Variants in PNPLA1 observed in about 807,000 individuals in gnomAD.
PNPLA1 encodes the protein omega-hydroxyceramide transacylase.
PNPLA1 carries 36 observed loss-of-function variants against 51.7 expected under a neutral mutation model. The ratio of observed to expected loss-of-function variants is 0.70; its 90% CI spans 0.53 to 0.92. PNPLA1 has a LOEUF of 0.92. Among genes scored for constraint, PNPLA1 ranks in the 40% least tolerant of loss-of-function variants. The pLI, the probability that PNPLA1 is intolerant of heterozygous loss-of-function variation, is 0.00. For missense variants in PNPLA1, 658 were observed against 682.5 expected (o/e 0.96, Z 0.40); for synonymous variants, 293 against 280.1 (o/e 1.05, Z -0.46).
rs1770798825 is a variant in PNPLA1, at chr6:36,294,495, T to C, written c.714+96T>C. 8.7e-7 allele frequency: 1 copy of C among 1,151,500 alleles called. No homozygotes were observed. Among genetic ancestry groups the C allele is most frequent in the African/African-American group, 1.5e-5 (1 of 65,594 alleles). 71.3% of individuals were successfully genotyped at this position (1,151,500 alleles called of 1,614,324 possible). ...GGGGCCCACTCAAGTTCCATCTGAG[T>C]CTCCTCCCCTCAAATGGTCCTTTAA... On this transcript the variant is annotated intron_variant, in intron 4 of 8. Transcript: ENST00000636260. This position sits in a 1 kb window ranked among gnomAD's most constrained non-coding sequence, Gnocchi z 4.2.
Position 36,291,514 on chromosome 6 carries a change from G to A in PNPLA1, c.400G>A (p.Val134Met). The A allele has an allele frequency of 6.9e-7, 1 of 1,452,182 alleles. No individual in the cohort carries two copies. The highest frequency in any genetic ancestry group is 9.3e-7 in the Non-Finnish European group (1 of 1,078,434). 90.0% of individuals were successfully genotyped at this position (1,452,182 alleles called of 1,614,324 possible). Reference protein sequence around the residue: ...LTRLTDGENVVVSEFTSKEEL... With the variant: ...LTRLTDGENVMVSEFTSKEEL... ...CCGCTTAACGGACGGGGAGAATGTG[G>A]TGGTTTCAGAGTTCACGTCCAAGGA... is the stretch of plus-strand genomic sequence containing the variant. The change falls in exon 2 of 9, where the codon GTG becomes ATG. Residue 134 changes from valine (V) to methionine (M), a missense_variant. Coordinates refer to ENST00000636260, the MANE Select transcript of PNPLA1 (RefSeq NM_001374623.1).
rs1770985926 is a variant in PNPLA1 at position 36,300,161 on chromosome 6, T to TGTGTGTGTGTGTGTGTGTG, written c.776-1700_776-1699insGTGTGTGTGTGTGTGTGTG. Among the ~76,000 whole-genome samples, 15 of 103,012 alleles carry TGTGTGTGTGTGTGTGTGTG rather than the reference T, an allele frequency of 1.5e-4. No individual in the cohort carries two copies. In the Admixed American group the frequency reaches 1.6e-3, roughly 11 times the overall value. The allele number at this position is 103,012 out of a possible 152,430, so 67.6% of individuals were successfully genotyped here. A position where few individuals can be genotyped will look rare whatever the true frequency, so the allele number is the denominator to read the frequency against. ...ACAGTTTCTCAGACTTTTCTTATTC[T>TGTGTGTGTGTGTGTGTGTG]TGTGTGTGTGTGTGTGTGAGAGAGA... On this transcript the variant is annotated intron_variant, in intron 5 of 8. Transcript: ENST00000636260.
chr6:36,279,033 T>C (rs1484885143), intron 1 of PNPLA1, among the ~76,000 whole-genome samples: 3 of 152,160 alleles, frequency 2.0e-5, no homozygotes, highest in Admixed American at 1.3e-4. Context: ...TGGATGAAGC[T>C]AGGGAGAGAG....
rs970204665 is a variant in PNPLA1, at chr6:36,294,717, C to T, written c.714+318C>T. On this transcript the variant is annotated intron_variant, in intron 4 of 8. Transcript: ENST00000636260. The surrounding 1 kb of genome is among the most constrained non-coding windows in gnomAD (Gnocchi z 4.2). Reference sequence around the variant, plus strand: ...TCAAAGGTCGGCAAGCTGCAGCCCACGGGCCAAATCTAGCCTATGGCTTGT... The same window carrying T: ...TCAAAGGTCGGCAAGCTGCAGCCCATGGGCCAAATCTAGCCTATGGCTTGT... Among the ~76,000 whole-genome samples the T allele has an allele frequency of 5.9e-5, 9 of 152,148 alleles. No homozygotes were observed. Among genetic ancestry groups the T allele is most frequent in the Admixed American group, 2.0e-4 (3 of 15,284 alleles).
intron 8 of PNPLA1, among the ~76,000 whole-genome samples, chr6:36,309,085 A>G (rs1326389269): frequency 6.6e-6 from 1 of 152,202 alleles, no homozygotes; most frequent in African/African-American, 2.4e-5. Flanking sequence ...GGATGGGCAC[A>G]GGGATTTATC....
At position 36,273,545 on chromosome 6, in the gene PNPLA1, C is replaced by T. The variant is rs528654931; in HGVS notation, c.205+2881C>T. ...CAGGGATTCTCTCTCCTTTTCCGGG[C>T]GCCTGCGTTGCTCATCTGCTCCATT... On this transcript the variant is annotated intron_variant, in intron 1 of 8. Coordinates refer to ENST00000636260, the MANE Select transcript of PNPLA1 (RefSeq NM_001374623.1). Among the ~76,000 whole-genome samples, 152 of 151,674 alleles carry T rather than the reference C, an allele frequency of 1.0e-3. 2 individuals carry two copies. The South Asian group carries it at 0.03, about 30-fold the overall frequency.
chr6:36,300,255 T>C (rs939767892), intron 5 of PNPLA1, among the ~76,000 whole-genome samples: 1 of 147,994 alleles, frequency 6.8e-6, no homozygotes, highest in Admixed American at 6.8e-5. Flanking sequence ...AGTGCAGTGG[T>C]GCAATCTTGG....
At chr6:36,268,271 C>T (rs534555322), upstream of PNPLA1, among the ~76,000 whole-genome samples, 12 of 152,296 alleles carry the variant, frequency 7.9e-5, no homozygotes, top group East Asian at 9.7e-4. Context: ...TAACCACAGA[C>T]GTGCCGTGTG....
chr6:36,282,810 C>A (rs142054322), intron 1 of PNPLA1, among the ~76,000 whole-genome samples: 1 of 152,154 alleles, frequency 6.6e-6, no homozygotes. Context: ...CTCAGCCTCC[C>A]AAGTAGCTGG....
chr6:36,296,888 T>C (rs1301984425), intron 5 of PNPLA1, among the ~76,000 whole-genome samples: 1 of 152,160 alleles, frequency 6.6e-6, no homozygotes, highest in African/African-American at 2.4e-5. Flanking sequence ...CTACTAACTG[T>C]GTGATATTGA....
chr6:36,243,898 C>A (rs1026002209), intron 1 of PNPLA1, among the ~76,000 whole-genome samples: 2 of 152,212 alleles, frequency 1.3e-5, no homozygotes, highest in African/African-American at 4.8e-5. Context: ...CTACAGCAAC[C>A]ATTTCTAGCT....
At chr6:36,307,812 G>A in intron 8 of PNPLA1, 100 bp downstream of exon 8, 1 of 1,442,240 alleles carries the variant, frequency 6.9e-7, no homozygotes, top group Non-Finnish European at 9.3e-7. Flanking sequence ...TAAGGGAGTA[G>A]GGGGTGCAGT....
intron 1 of PNPLA1, among the ~76,000 whole-genome samples, chr6:36,260,945 TCCCAAGTAGC>T (rs1427057489): frequency 2.6e-5 from 4 of 152,080 alleles, no homozygotes; most frequent in Non-Finnish European, 5.9e-5. Flanking sequence ...TGCCTCAGCC[TCCCAAGTAGC>T]TGGGACCACA....
intron 8 of PNPLA1, among the ~76,000 whole-genome samples, chr6:36,310,725 TA>T (rs1771389029): frequency 6.6e-6 from 1 of 152,220 alleles, no homozygotes; most frequent in South Asian, 2.1e-4. Flanking sequence ...AACTTAGTGA[TA>T]CAGCCTACGA....
chr6:36,261,326 G>A (rs1008859798), intron 1 of PNPLA1, among the ~76,000 whole-genome samples: 3 of 152,214 alleles, frequency 2.0e-5, no homozygotes, highest in South Asian at 2.1e-4. Context: ...CCTGTGTACC[G>A]AAGTGTCTTC....
At chr6:36,306,632 C>T (rs1771246776) in intron 7 of PNPLA1, among the ~76,000 whole-genome samples, 1 of 152,154 alleles carries the variant, frequency 6.6e-6, no homozygotes, top group Non-Finnish European at 1.5e-5. Flanking sequence ...GGGGATGCTC[C>T]TTCTCTGAGT....
rs1770835107 is a variant in PNPLA1, at chr6:36,295,569, G to A, written c.775+145G>A. On this transcript the variant is annotated intron_variant, in intron 5 of 8. Coordinates refer to ENST00000636260, the MANE Select transcript of PNPLA1 (RefSeq NM_001374623.1). ...CTGGGAGAGCTGGAAATGGGGGTGG[G>A]GACCTAACAGGCTGCATCGCCCAGC... The A allele has an allele frequency of 7.0e-6, 6 of 859,348 alleles. No individual in the cohort carries two copies. In the African/African-American group the frequency reaches 8.3e-5, roughly 12 times the overall value. 53.2% of individuals were successfully genotyped at this position (859,348 alleles called of 1,614,324 possible).
At chr6:36,302,608 T>C in intron 6 of PNPLA1, 139 bp downstream of exon 6, 3 of 1,183,466 alleles carry the variant, frequency 2.5e-6, no homozygotes, top group Non-Finnish European at 3.5e-6. Flanking sequence ...CTCTGTCCAT[T>C]ATGAGGACAG....
intron 1 of PNPLA1, among the ~76,000 whole-genome samples, chr6:36,243,705 C>T (rs1244804881): frequency 1.3e-5 from 2 of 152,110 alleles, no homozygotes; most frequent in Non-Finnish European, 2.9e-5. Context: ...GGGCTGGTAT[C>T]GCATTTGACT....
Sources: allele counts gnomAD v4.1 joint callset (sites outside exome capture counted in the v4.1 genomes callset), GRCh38; gene constraint gnomAD v4.1.1; non-coding constraint Gnocchi (gnomAD v3.1); transcripts MANE v1.5; gene names NCBI Gene and HGNC (gene_info 2026-07-23, HGNC 2026-07-21).